MAN2A1: variants seen among roughly 807,000 people sequenced by gnomAD.
MAN2A1 encodes mannosidase alpha class 2A member 1.
MAN2A1 carries 76 observed loss-of-function variants against 142.6 expected under a neutral mutation model. That is an observed-to-expected ratio of 0.53 (90% CI 0.44 to 0.65). The LOEUF (loss-of-function observed/expected upper bound fraction) is 0.65, where lower values mean the gene tolerates loss of function less well. Among genes scored for constraint, MAN2A1 ranks in the 30% least tolerant of loss-of-function variants. The pLI, the probability that MAN2A1 is intolerant of heterozygous loss-of-function variation, is 0.00. For missense variants in MAN2A1, 1,311 were observed against 1,365.1 expected (o/e 0.96, Z 0.62); for synonymous variants, 559 against 473.2 (o/e 1.18, Z -2.35).
At chr5:109,732,043 T>C (rs1172559504) in intron 4 of MAN2A1, among the ~76,000 whole-genome samples, 2 of 152,058 alleles carry the variant, frequency 1.3e-5, no homozygotes, top group Non-Finnish European at 2.9e-5. Context: ...GACTTTTTAA[T>C]GATTGCCATT....
At position 109,743,941 on chromosome 5, in the gene MAN2A1, A is replaced by T. The variant is rs566297114; in HGVS notation, c.708-11388A>T. On this transcript the variant is annotated intron_variant, in intron 4 of 21. Coordinates refer to ENST00000261483, the MANE Select transcript of MAN2A1 (RefSeq NM_002372.4). Reference sequence around the variant, plus strand: ...TATCTCCAGTCACTTCCTGCTTCACACTCTACTCAGGCATTCTGAGCCACG... The same window carrying T: ...TATCTCCAGTCACTTCCTGCTTCACTCTCTACTCAGGCATTCTGAGCCACG... 2.6e-5 allele frequency among the ~76,000 whole-genome samples: 4 copies of T among 151,716 alleles called. No homozygotes were observed. In the South Asian group the frequency reaches 8.3e-4, roughly 32 times the overall value.
intron 4 of MAN2A1, among the ~76,000 whole-genome samples, chr5:109,737,254 G>A (rs1752129719): frequency 6.6e-6 from 1 of 151,708 alleles, no homozygotes; most frequent in Non-Finnish European, 1.5e-5. Context: ...ACCATGCCTG[G>A]CTAATTTTTG....
At chr5:109,704,801 G>A (rs577345615) in intron 1 of MAN2A1, among the ~76,000 whole-genome samples, 3 of 152,260 alleles carry the variant, frequency 2.0e-5, no homozygotes, top group South Asian at 4.1e-4. Flanking sequence ...TTAATGCGGC[G>A]CTTCTTAACT....
chr5:109,723,635 A>G (rs1278690481), intron 3 of MAN2A1, among the ~76,000 whole-genome samples: 1 of 152,056 alleles, frequency 6.6e-6, no homozygotes, highest in East Asian at 1.9e-4. Flanking sequence ...AGGTCAGAAA[A>G]CCCTCATGTC....
chr5:109,797,993 T>C (rs1753908938), intron 12 of MAN2A1, among the ~76,000 whole-genome samples: 1 of 152,166 alleles, frequency 6.6e-6, no homozygotes, highest in African/African-American at 2.4e-5. Context: ...TTTTAAAAAT[T>C]TCTTGATGAG....
At chr5:109,733,877 A>C (rs1439543672) in intron 4 of MAN2A1, among the ~76,000 whole-genome samples, 2 of 152,188 alleles carry the variant, frequency 1.3e-5, no homozygotes, top group African/African-American at 4.8e-5. Context: ...CTGGCCTCAT[A>C]AAATGAGTTA....
chr5:109,835,788 A>G (rs2112748667), intron 16 of MAN2A1, among the ~76,000 whole-genome samples: 1 of 152,304 alleles, frequency 6.6e-6, no homozygotes, highest in South Asian at 2.1e-4. Context: ...TTTGCATTTC[A>G]AAATAGCTAG....
intron 4 of MAN2A1, among the ~76,000 whole-genome samples, chr5:109,744,864 C>T (rs960289118): frequency 2.0e-5 from 3 of 152,126 alleles, no homozygotes; most frequent in Admixed American, 6.5e-5. Flanking sequence ...GTTTAAATGT[C>T]CTTCAGCAGG....
rs377369348 is a variant in MAN2A1 at position 109,855,916 on chromosome 5, T to C, written c.3171+582T>C. Among the ~76,000 whole-genome samples the C allele has an allele frequency of 4.6e-5, 7 of 152,208 alleles. No individual in the cohort carries two copies. In the South Asian group the frequency reaches 8.3e-4, roughly 18 times the overall value. ...TTAGACATTTGACATTGTTCTTATG[T>C]GTTGCAAAGCTGTTTTGATATTGCA... is the stretch of plus-strand genomic sequence containing the variant. On this transcript the variant is annotated intron_variant, in intron 20 of 21. Transcript: ENST00000261483.
intron 12 of MAN2A1, among the ~76,000 whole-genome samples, chr5:109,804,619 C>G (rs1365230088): frequency 1.3e-5 from 2 of 151,932 alleles, no homozygotes; most frequent in Admixed American, 6.6e-5. Flanking sequence ...TTCCTAGGAC[C>G]AATATTGTTT....
At chr5:109,822,566 A>G (rs1394049612) in intron 15 of MAN2A1, among the ~76,000 whole-genome samples, 2 of 152,074 alleles carry the variant, frequency 1.3e-5, no homozygotes, top group Non-Finnish European at 2.9e-5. Flanking sequence ...CTTTCTAGCT[A>G]TTTGGTAATT....
chr5:109,832,629 C>A (rs1042560450), intron 16 of MAN2A1, among the ~76,000 whole-genome samples: 2 of 152,220 alleles, frequency 1.3e-5, no homozygotes, highest in Non-Finnish European at 1.5e-5. Context: ...ACACGTCCCC[C>A]CCTTCCACTC....
At chr5:109,776,587 G>T (rs1187923978) in intron 8 of MAN2A1, among the ~76,000 whole-genome samples, 1 of 152,076 alleles carries the variant, frequency 6.6e-6, no homozygotes, top group Non-Finnish European at 1.5e-5. Flanking sequence ...TTGCCTACTA[G>T]AACAGTTTTT....
At chr5:109,752,408 A>G (rs2112622938) in intron 4 of MAN2A1, among the ~76,000 whole-genome samples, 2 of 152,356 alleles carry the variant, frequency 1.3e-5, no homozygotes, top group South Asian at 4.1e-4. Context: ...AAATATTTGA[A>G]TGACCATTAT....
chr5:109,786,738 T>G (rs1753604818), intron 10 of MAN2A1, among the ~76,000 whole-genome samples: 1 of 152,102 alleles, frequency 6.6e-6, no homozygotes, highest in Non-Finnish European at 1.5e-5. Context: ...CTCTTGAACT[T>G]GGACTGATGA....
chr5:109,791,830 A>G (rs1294280385), intron 12 of MAN2A1, among the ~76,000 whole-genome samples: 1 of 152,072 alleles, frequency 6.6e-6, no homozygotes, highest in Non-Finnish European at 1.5e-5. Flanking sequence ...ATTGAGAAAT[A>G]CTAACTTAAA....
intron 19 of MAN2A1, among the ~76,000 whole-genome samples, chr5:109,850,152 G>C (rs939020113): frequency 2.0e-5 from 3 of 152,172 alleles, no homozygotes; most frequent in Non-Finnish European, 4.4e-5. Flanking sequence ...CCATGAGAGT[G>C]GGGAATGTGC....
chr5:109,775,589 C>G (rs1332718950), intron 8 of MAN2A1, among the ~76,000 whole-genome samples: 1 of 151,950 alleles, frequency 6.6e-6, no homozygotes, highest in African/African-American at 2.4e-5. Context: ...TTCTTCAACT[C>G]AAGACCACTC....
chr5:109,716,138 C>G lies in MAN2A1; in HGVS notation c.409C>G (p.Leu137Val). The G allele has an allele frequency of 1.2e-6, 2 of 1,606,270 alleles. No individual in the cohort carries two copies. Among genetic ancestry groups the G allele is most frequent in the South Asian group, 2.2e-5 (2 of 89,542 alleles). The change falls in exon 3 of 22, where the codon CTA becomes GTA. Residue 137 changes from leucine to valine, a missense_variant. By Grantham distance (32) the Leu-to-Val change is conservative (BLOSUM62 1). Transcript: ENST00000261483. ...TTTTTAGATGTTGGATGTTTACAGT[C>G]TAATTTCTTTTGACAATCCAGATGG... is the stretch of plus-strand genomic sequence containing the variant. ...SDVQMLDVYS[L>V]ISFDNPDGGV...
Sources: gnomAD v4.1 joint callset for allele counts (sites outside exome capture counted in the v4.1 genomes callset) on GRCh38, gnomAD v4.1.1 for gene constraint, MANE v1.5 for transcripts, NCBI Gene and HGNC (gene_info 2026-07-23, HGNC 2026-07-21) for gene names.